The following FOXJ3 variants were observed in gnomAD, a reference collection of about 807,000 sequenced individuals.
FOXJ3 encodes forkhead box protein J3.
Under a neutral mutation model 76.1 loss-of-function variants are expected in FOXJ3, and 22 were observed. The ratio of observed to expected loss-of-function variants is 0.29; its 90% CI spans 0.21 to 0.41. The LOEUF (loss-of-function observed/expected upper bound fraction) is 0.41, where lower values mean the gene tolerates loss of function less well. Among genes scored for constraint, FOXJ3 ranks in the 10% least tolerant of loss-of-function variants. The pLI, the probability that FOXJ3 is intolerant of heterozygous loss-of-function variation, is 1.00. For missense variants in FOXJ3, 613 were observed against 762.1 expected, an observed-to-expected ratio of 0.80 and a Z score of 2.30; for synonymous variants, 269 against 261.2, an observed-to-expected ratio of 1.03 and a Z score of -0.29.
rs773154185 is a variant in FOXJ3 at position 42,179,695 on chromosome 1, T to C, written c.*15A>G. On this transcript the variant is annotated 3_prime_UTR_variant, in exon 13 of 13. Coordinates refer to ENST00000361346, the MANE Select transcript of FOXJ3 (RefSeq NM_014947.5). ...AAAGGTAACGTTAGGGTCTGGTGTC[T>C]TGCAGAAACAAGCCCTACACAATTG... The C allele has an allele frequency of 2.0e-6, 3 of 1,514,860 alleles. No individual in the cohort carries two copies. Among genetic ancestry groups the C allele is most frequent in the Non-Finnish European group, 2.8e-6 (3 of 1,089,394 alleles). The allele number at this position is 1,514,860 out of a possible 1,614,324, so 93.8% of individuals were successfully genotyped here.
At chr1:42,289,027 T>A (rs1261987057) in intron 2 of FOXJ3, among the ~76,000 whole-genome samples, 1 of 152,068 alleles carries the variant, frequency 6.6e-6, no homozygotes, top group African/African-American at 2.4e-5. Flanking sequence ...ATATTTTAAA[T>A]TTTTCTTAAT....
chr1:42,304,114 T>C (rs1654320324), intron 2 of FOXJ3, among the ~76,000 whole-genome samples: 1 of 150,078 alleles, frequency 6.7e-6, no homozygotes, highest in Non-Finnish European at 1.5e-5. Flanking sequence ...ATGCCAAGAG[T>C]GAACAATCCG....
At chr1:42,204,930 T>TA (rs1428715281) in intron 6 of FOXJ3, among the ~76,000 whole-genome samples, 1 of 152,122 alleles carries the variant, frequency 6.6e-6, no homozygotes, top group Non-Finnish European at 1.5e-5. Context: ...CAATGATGTA[T>TA]GTGTATGTGT....
rs114555074 is a variant in FOXJ3 at position 42,196,733 on chromosome 1, A to G, written c.760-1669T>C. On this transcript the variant is annotated intron_variant, in intron 7 of 12. Transcript: ENST00000361346. ...AGCAGTCTACAAAGTCTAGCTTTAA[A>G]CACGGCAGTTTAACCCTCTTACATT... is the stretch of plus-strand genomic sequence containing the variant. Among the ~76,000 whole-genome samples, 654 of 152,340 alleles carry G rather than the reference A, an allele frequency of 4.3e-3. 5 individuals are homozygous for G. The highest frequency in any genetic ancestry group is 0.015 in the African/African-American group (622 of 41,584).
At chr1:42,239,765 T>C (rs1648979994) in intron 4 of FOXJ3, among the ~76,000 whole-genome samples, 2 of 152,168 alleles carry the variant, frequency 1.3e-5, no homozygotes, top group South Asian at 4.1e-4. Context: ...TCATCTCTGC[T>C]CCACAATCGC....
At chr1:42,282,327 G>A (rs917439434) in intron 2 of FOXJ3, among the ~76,000 whole-genome samples, 2 of 152,072 alleles carry the variant, frequency 1.3e-5, no homozygotes, top group Admixed American at 1.3e-4. Context: ...TACACTCCAA[G>A]AGAAACCTAT....
intron 4 of FOXJ3, among the ~76,000 whole-genome samples, chr1:42,228,945 GT>G (rs1204199980): frequency 5.9e-5 from 9 of 152,012 alleles, no homozygotes; most frequent in Admixed American, 2.6e-4. Flanking sequence ...TTCCTAGGCC[GT>G]TTTTTAAGGC....
chr1:42,311,650 A>AAAGTAGTAGT (rs1553169326), intron 1 of FOXJ3, among the ~76,000 whole-genome samples: 4 of 149,414 alleles, frequency 2.7e-5, no homozygotes, highest in Non-Finnish European at 5.9e-5. Context: ...TTTAAAAAAA[A>AAAGTAGTAGT]AGTAGTAGTA....
chr1:42,299,657 T>C (rs1409612047), intron 2 of FOXJ3, among the ~76,000 whole-genome samples: 1 of 151,878 alleles, frequency 6.6e-6, no homozygotes, highest in Non-Finnish European at 1.5e-5. Flanking sequence ...CCCGTAATCC[T>C]AGCCCTTTAG....
chr1:42,235,306 C>G lies in FOXJ3; in HGVS notation c.445-7340G>C, dbSNP rs776689041. Among the ~76,000 whole-genome samples the G allele has an allele frequency of 2.6e-5, 4 of 152,332 alleles. No individual in the cohort carries two copies. In the East Asian group the frequency reaches 5.8e-4, roughly 22 times the overall value. On this transcript the variant is annotated intron_variant, in intron 4 of 12. Coordinates refer to ENST00000361346, the MANE Select transcript of FOXJ3 (RefSeq NM_014947.5). ...ATTTTCCAGGTGCTGTCTGTCATCC[C>G]TTTCTTTGACTAGGAAAGGGAATTC... is the stretch of plus-strand genomic sequence containing the variant.
intron 5 of FOXJ3, among the ~76,000 whole-genome samples, chr1:42,225,528 T>C (rs1647484818): frequency 6.6e-6 from 1 of 152,170 alleles, no homozygotes; most frequent in South Asian, 2.1e-4. Context: ...ATAATATCTG[T>C]CCCCCTAATT....
At chr1:42,213,890 G>A (rs1274808674) in intron 5 of FOXJ3, among the ~76,000 whole-genome samples, 3 of 152,128 alleles carry the variant, frequency 2.0e-5, no homozygotes, top group Admixed American at 2.0e-4. Context: ...ATAATATATT[G>A]TATATTTCAA....
chr1:42,305,292 G>C (rs1467119297), intron 2 of FOXJ3, among the ~76,000 whole-genome samples: 1 of 152,174 alleles, frequency 6.6e-6, no homozygotes, highest in African/African-American at 2.4e-5. Context: ...TTTGTACACT[G>C]TTGGTGGGAA....
chr1:42,249,763 T>C (rs1436566459), intron 4 of FOXJ3, among the ~76,000 whole-genome samples: 1 of 152,140 alleles, frequency 6.6e-6, no homozygotes, highest in South Asian at 2.1e-4. Context: ...AAACTCACAA[T>C]TGAATGGAAC....
intron 4 of FOXJ3, among the ~76,000 whole-genome samples, chr1:42,241,352 C>T (rs1402328460): frequency 2.0e-5 from 3 of 152,162 alleles, no homozygotes; most frequent in Non-Finnish European, 4.4e-5. Flanking sequence ...TTCCCCAGCC[C>T]ACCCCAAACA....
intron 2 of FOXJ3, among the ~76,000 whole-genome samples, chr1:42,296,854 T>G (rs748348924): frequency 1.3e-5 from 2 of 152,248 alleles, no homozygotes; most frequent in Admixed American, 6.5e-5. Context: ...TGTTAGTAAT[T>G]TGAAAGGAAT....
At chr1:42,283,441 C>T (rs1353538778) in intron 2 of FOXJ3, among the ~76,000 whole-genome samples, 1 of 152,160 alleles carries the variant, frequency 6.6e-6, no homozygotes, top group African/African-American at 2.4e-5. Context: ...ACTGCGTGGC[C>T]TACCTCTGCA....
At chr1:42,187,794 A>G (rs1218774455) in intron 11 of FOXJ3, among the ~76,000 whole-genome samples, 1 of 152,256 alleles carries the variant, frequency 6.6e-6, no homozygotes, top group Non-Finnish European at 1.5e-5. Context: ...AATTTACTGA[A>G]TGAATAGGTC....
chr1:42,335,048 G>A lies in FOXJ3; in HGVS notation c.-18+11C>T, dbSNP rs1287825617. 1 of 152,294 alleles carries A rather than the reference G, an allele frequency of 6.6e-6. No homozygotes were observed. Among genetic ancestry groups the A allele is most frequent in the Non-Finnish European group, 1.5e-5 (1 of 68,306 alleles). 9.4% of individuals were successfully genotyped at this position (152,294 alleles called of 1,614,324 possible). On this transcript the variant is annotated intron_variant, in intron 1 of 12. Transcript: ENST00000361346. ...CGCCCAGGCCCGGCCGCCCTGGCGG[G>A]GGGCACTTACCTCAGGCTGCGCAGG... is the stretch of plus-strand genomic sequence containing the variant.
Sources: allele counts gnomAD v4.1 joint callset (sites outside exome capture counted in the v4.1 genomes callset), GRCh38; gene constraint gnomAD v4.1.1; transcripts MANE v1.5; gene names NCBI Gene and HGNC (gene_info 2026-07-23, HGNC 2026-07-21).